Variants in ACOT12 observed in about 807,000 individuals in gnomAD.
The protein encoded by ACOT12 is acyl-CoA thioesterase 12, also known as acetyl-coenzyme A thioesterase.
A neutral mutation model predicts 67.7 loss-of-function variants in ACOT12; 51 were observed. That is an observed-to-expected ratio of 0.75 (90% CI 0.60 to 0.95). The LOEUF (loss-of-function observed/expected upper bound fraction) is 0.95, where lower values mean the gene tolerates loss of function less well. ACOT12 is among the 40% of genes least tolerant of loss of function. The pLI, the probability that ACOT12 is intolerant of heterozygous loss-of-function variation, is 0.00. For synonymous variants in ACOT12, 251 were observed against 244.6 expected (o/e 1.03, Z -0.24); for missense variants, 734 against 708.1 (o/e 1.04, Z -0.41).
chr5:81,379,592 A>G (rs1004349561), intron 2 of ACOT12, among the ~76,000 whole-genome samples: 5 of 152,132 alleles, frequency 3.3e-5, no homozygotes, highest in East Asian at 1.9e-4. Flanking sequence ...TTTCATTCCC[A>G]TCAGGAAACG....
intron 1 of ACOT12, among the ~76,000 whole-genome samples, chr5:81,386,439 G>T (rs1417739177): frequency 6.6e-6 from 1 of 152,062 alleles, no homozygotes; most frequent in Non-Finnish European, 1.5e-5. Flanking sequence ...GAGTAGGGTG[G>T]GAGAGTTCAG....
At chr5:81,311,399 T>C in the ACOT12 span, 1 of 1,020,172 alleles carries the variant, frequency 9.8e-7, no homozygotes, top group Admixed American at 1.9e-5. Flanking sequence ...CCTGTTTTCC[T>C]ACTGTAGCAA....
At chr5:81,373,868 T>C (rs1760330167) in intron 2 of ACOT12, among the ~76,000 whole-genome samples, 1 of 152,104 alleles carries the variant, frequency 6.6e-6, no homozygotes, top group Admixed American at 6.6e-5. Context: ...AGCATCTCCC[T>C]GGGACAGAGC....
intron 2 of ACOT12, among the ~76,000 whole-genome samples, chr5:81,383,281 A>C (rs1316151826): frequency 6.6e-6 from 1 of 152,190 alleles, no homozygotes; most frequent in African/African-American, 2.4e-5. Context: ...CGGGAGGCTG[A>C]GGCAGGACAA....
In ACOT12 at chr5:81,332,575, T is replaced by G. The variant is rs2153842563; in HGVS notation, c.1293A>C (p.Glu431Asp). The G allele has an allele frequency of 1.2e-6, 2 of 1,614,074 alleles. No individual in the cohort carries two copies. Among genetic ancestry groups the G allele is most frequent in the Admixed American group, 1.7e-5 (1 of 60,008 alleles). The change falls in exon 13 of 15, where the codon GAA becomes GAC. Residue 431 changes from glutamate to aspartate, a missense_variant. Glu to Asp is a conservative substitution (Grantham distance 45). Coordinates refer to ENST00000307624, the MANE Select transcript of ACOT12 (RefSeq NM_130767.3). ...AGGTGATGTGATACAGCTGATCATC[T>G]TCACTCACCCAGTCTATGACTTCAC... Reference protein sequence around the residue: ...VSCEVIDWVSEDDQLYHITCP... With the variant: ...VSCEVIDWVSDDDQLYHITCP...
At chr5:81,393,873 A>G in intron 1 of ACOT12, 115 bp downstream of exon 1, 1 of 1,138,832 alleles carries the variant, frequency 8.8e-7, no homozygotes, top group Non-Finnish European at 1.1e-6. Context: ...CTGGCTGCGC[A>G]GGGTTCAGCT....
intron 5 of ACOT12, among the ~76,000 whole-genome samples, chr5:81,352,537 T>C (rs1041041406): frequency 6.6e-6 from 1 of 152,126 alleles, no homozygotes; most frequent in African/African-American, 2.4e-5. Context: ...TTTTCACTTA[T>C]TTGTGGGAGC....
chr5:81,350,774 T>C (rs1390462335), intron 5 of ACOT12, among the ~76,000 whole-genome samples: 1 of 152,142 alleles, frequency 6.6e-6, no homozygotes, highest in African/African-American at 2.4e-5. Flanking sequence ...AGAGAATTTT[T>C]TTTCCCATTC....
Position 81,384,741 on chromosome 5 carries a change from T to A in ACOT12, c.197+1016A>T, listed in dbSNP as rs35627535. On this transcript the variant is annotated intron_variant, in intron 2 of 14. Coordinates refer to ENST00000307624, the MANE Select transcript of ACOT12 (RefSeq NM_130767.3). Reference sequence around the variant, plus strand: ...TTAAGTGATGCATGACTGTATAGACTGAAACATTTACAGATGATGCTTGGG... The same window carrying A: ...TTAAGTGATGCATGACTGTATAGACAGAAACATTTACAGATGATGCTTGGG... Among the ~76,000 whole-genome samples the A allele has an allele frequency of 2.6e-5, 4 of 152,274 alleles. No homozygotes were observed. The East Asian group carries it at 7.7e-4, about 29-fold the overall frequency.
intron 5 of ACOT12, among the ~76,000 whole-genome samples, chr5:81,356,778 G>A (rs982911877): frequency 2.6e-5 from 4 of 151,008 alleles, no homozygotes; most frequent in Non-Finnish European, 5.9e-5. Context: ...GTGTGATCTC[G>A]TGTGTATTTT....
In ACOT12 at chr5:81,344,878, G is replaced by C; in HGVS notation, c.924+13C>G. 8 of 1,614,132 alleles carry C rather than the reference G, an allele frequency of 5.0e-6. No individual in the cohort carries two copies. The Middle Eastern group carries it at 1.2e-3, about 233-fold the overall frequency. On this transcript the variant is annotated intron_variant, in intron 8 of 14. Transcript: ENST00000307624. Reference sequence around the variant, plus strand: ...CAGGTCCGGCTATTGAACCTCGTGTGATAATAACTGACCTTTGAAATGGGT... The same window carrying C: ...CAGGTCCGGCTATTGAACCTCGTGTCATAATAACTGACCTTTGAAATGGGT...
At position 81,330,470 on chromosome 5, in the gene ACOT12, G is replaced by T. The variant is rs750383961; in HGVS notation, c.1592C>A (p.Ser531Tyr). 4 of 1,614,070 alleles carry T rather than the reference G, an allele frequency of 2.5e-6. No individual in the cohort carries two copies. In the East Asian group the frequency reaches 8.9e-5, roughly 36 times the overall value. ...FAGNLGGWSK[S>Y]IEETAASCIQ... ...ACAAGAGGCTGCTGTTTCTTCAATG[G>T]ATTTTGACCAGCCACCAAGATTTCC... The change falls in exon 15 of 15, where the codon TCC (serine) becomes TAC (tyrosine). Residue 531 changes from serine to tyrosine, a missense_variant. Transcript: ENST00000307624.
At position 81,394,047 on chromosome 5, in the gene ACOT12, C is replaced by T; in HGVS notation, c.68G>A (p.Arg23His). 6.8e-7 allele frequency: 1 copy of T among 1,471,272 alleles called. No homozygotes were observed. Among genetic ancestry groups the T allele is most frequent in the South Asian group, 1.3e-5 (1 of 75,666 alleles). The allele number at this position is 1,471,272 out of a possible 1,614,324, so 91.1% of individuals were successfully genotyped here. The change falls in exon 1 of 15, where the codon CGC becomes CAC. Residue 23 changes from arginine to histidine, a missense_variant. Coordinates refer to ENST00000307624, the MANE Select transcript of ACOT12 (RefSeq NM_130767.3). Reference protein sequence around the residue: ...QAIQPAHATARGELSAGQLLK... With the variant: ...QAIQPAHATAHGELSAGQLLK... Reference sequence around the variant, plus strand: ...CAGCTGCCCCGCGCTCAGCTCGCCGCGCGCAGTGGCGTGCGCCGGCTGGAT... The same window carrying T: ...CAGCTGCCCCGCGCTCAGCTCGCCGTGCGCAGTGGCGTGCGCCGGCTGGAT...
intron 11 of ACOT12, 103 bp from the exon 12 acceptor site, chr5:81,336,004 G>A (rs560752102): frequency 8.9e-5 from 108 of 1,206,808 alleles, no homozygotes; most frequent in Admixed American, 4.0e-4. Context: ...CACTAACTAA[G>A]GCATCTTATT....
chr5:81,354,866 G>A (rs1327737908), intron 5 of ACOT12, among the ~76,000 whole-genome samples: 1 of 151,988 alleles, frequency 6.6e-6, no homozygotes, highest in East Asian at 1.9e-4. Context: ...ACCACGCCTG[G>A]CTAATTTTTG....
At chr5:81,346,122 G>A in intron 6 of ACOT12, 118 bp from the exon 7 acceptor site, 1 of 1,452,284 alleles carries the variant, frequency 6.9e-7, no homozygotes, top group Non-Finnish European at 9.2e-7. Flanking sequence ...TAAATAACTG[G>A]ATTATGTGGG....
chr5:81,348,718 C>T (rs1759460922), intron 5 of ACOT12, among the ~76,000 whole-genome samples: 1 of 152,178 alleles, frequency 6.6e-6, no homozygotes, highest in Non-Finnish European at 1.5e-5. Flanking sequence ...GTGCGTGCCA[C>T]CACGCCTGGC....
intron 1 of ACOT12, among the ~76,000 whole-genome samples, chr5:81,389,910 T>C (rs1376825426): frequency 6.6e-6 from 1 of 151,272 alleles, no homozygotes; most frequent in Non-Finnish European, 1.5e-5. Context: ...ATTATGTTTA[T>C]GTTTTATTTT....
At chr5:81,357,105 C>T (rs752854487) in intron 5 of ACOT12, among the ~76,000 whole-genome samples, 5 of 152,058 alleles carry the variant, frequency 3.3e-5, no homozygotes, top group African/African-American at 9.7e-5. Context: ...TTCATGCCTC[C>T]GTGCCTTCAC....
Sources: allele counts gnomAD v4.1 joint callset (sites outside exome capture counted in the v4.1 genomes callset), GRCh38; gene constraint gnomAD v4.1.1; transcripts MANE v1.5; gene names NCBI Gene and HGNC (gene_info 2026-07-23, HGNC 2026-07-21).